The following SNX30 variants were observed in gnomAD, a reference collection of about 807,000 sequenced individuals.
SNX30 encodes sorting nexin-30.
A neutral mutation model predicts 46.4 loss-of-function variants in SNX30; 24 were observed. The observed-to-expected ratio is 0.52, with a 90% CI of 0.37 to 0.73. The LOEUF is 0.73. Among genes scored for constraint, SNX30 ranks in the 30% least tolerant of loss-of-function variants. The probability of loss-of-function intolerance (pLI) is 0.00; values close to 1 mark genes in which losing one functional copy is unlikely to be tolerated. For synonymous variants in SNX30, 189 were observed against 211.5 expected, an observed-to-expected ratio of 0.89 and a Z score of 0.92; for missense variants, 533 against 555.7, an observed-to-expected ratio of 0.96 and a Z score of 0.41.
chr9:112,806,680 G>A (rs1319842290), intron 2 of SNX30, among the ~76,000 whole-genome samples: 2 of 152,100 alleles, frequency 1.3e-5, no homozygotes, highest in African/African-American at 2.4e-5. Context: ...TAAAAGAAGC[G>A]ATGCTGAAGG....
intron 1 of SNX30, among the ~76,000 whole-genome samples, chr9:112,753,158 A>T (rs943355179): frequency 6.6e-6 from 1 of 152,206 alleles, no homozygotes; most frequent in Non-Finnish European, 1.5e-5. Context: ...GAGACTGGCT[A>T]CTACAGATAG....
chr9:112,868,894 T>C lies in SNX30; in HGVS notation c.*51T>C, dbSNP rs772355710. On this transcript the variant is annotated 3_prime_UTR_variant, in exon 9 of 9. Transcript: ENST00000374232. ...TCTACCTACACAGGGCCTGGCACCC[T>C]ATACCGGAATGTCCCTGCAGTGCCA... 3 of 1,558,062 alleles carry C rather than the reference T, an allele frequency of 1.9e-6. No homozygotes were observed. The East Asian group carries it at 6.7e-5, about 35-fold the overall frequency.
chr9:112,804,426 A>C (rs955708819), intron 1 of SNX30, among the ~76,000 whole-genome samples: 1 of 152,124 alleles, frequency 6.6e-6, no homozygotes, highest in Non-Finnish European at 1.5e-5. Flanking sequence ...CGGCCTCCCA[A>C]AGTGCTGGGA....
chr9:112,868,333 C>T (rs1182420467), intron 8 of SNX30, among the ~76,000 whole-genome samples: 2 of 152,186 alleles, frequency 1.3e-5, no homozygotes, highest in African/African-American at 2.4e-5. Flanking sequence ...GGGCTTTCCA[C>T]CCGCTCCAAG....
chr9:112,873,026 T>C lies in SNX30; in HGVS notation c.*4183T>C, dbSNP rs144572932. The C allele has an allele frequency of 1.3e-5, 2 of 152,352 alleles. No homozygotes were observed. Among genetic ancestry groups the C allele is most frequent in the African/African-American group, 4.8e-5 (2 of 41,588 alleles). 9.4% of individuals were successfully genotyped at this position (152,352 alleles called of 1,614,324 possible). A position where few individuals can be genotyped will look rare whatever the true frequency, so the allele number is the denominator to read the frequency against. Reference sequence around the variant, plus strand: ...GATTGTCAGCTTTTTGTTTGAGAGATGCCTGGTCTCACAGTTACATGTATC... The same window carrying C: ...GATTGTCAGCTTTTTGTTTGAGAGACGCCTGGTCTCACAGTTACATGTATC... On this transcript the variant is annotated 3_prime_UTR_variant, in exon 9 of 9. Transcript: ENST00000374232.
intron 1 of SNX30, among the ~76,000 whole-genome samples, chr9:112,752,850 C>T (rs892375629): frequency 6.6e-6 from 1 of 152,174 alleles, no homozygotes; most frequent in Non-Finnish European, 1.5e-5. Flanking sequence ...TTGGCTTGGG[C>T]TGCAGTCATC....
rs1840104978 is a variant in SNX30, at chr9:112,796,195, ATT to A, written c.157-8580_157-8579del. Among the ~76,000 whole-genome samples the A allele has an allele frequency of 2.0e-5, 3 of 152,242 alleles. No homozygotes were observed. The South Asian group carries it at 6.2e-4, about 32-fold the overall frequency. On this transcript the variant is annotated intron_variant, in intron 1 of 8. Coordinates refer to ENST00000374232, the MANE Select transcript of SNX30 (RefSeq NM_001012994.2). ...CTGATTTTGGCATCTCTGCCTTAAG[ATT>A]GTGAATTCTTTTTCTTTTGTGCAGT... is the stretch of plus-strand genomic sequence containing the variant.
At chr9:112,879,955 T>G (rs1183249689), downstream of SNX30, 5 of 697,278 alleles carry the variant, frequency 7.2e-6, no homozygotes, top group Non-Finnish European at 1.0e-5. Context: ...CAAGGTGTGC[T>G]GGTGCACTGT....
chr9:112,812,271 T>A (rs1002293195), intron 2 of SNX30, among the ~76,000 whole-genome samples: 5 of 152,206 alleles, frequency 3.3e-5, no homozygotes, highest in Non-Finnish European at 7.3e-5. Context: ...TTATTTATTT[T>A]TTGAGACGGA....
At chr9:112,767,839 A>G (rs1195670237) in intron 1 of SNX30, among the ~76,000 whole-genome samples, 2 of 152,006 alleles carry the variant, frequency 1.3e-5, no homozygotes, top group Non-Finnish European at 2.9e-5. Context: ...AACTCACGCG[A>G]TCCTCCCACC....
At chr9:112,821,588 GTC>G in intron 3 of SNX30, among the ~76,000 whole-genome samples, 1 of 151,734 alleles carries the variant, frequency 6.6e-6, no homozygotes, top group East Asian at 1.9e-4. Context: ...CCGGGTTCAC[GTC>G]ATTCTCCTGC....
At chr9:112,805,066 C>T in intron 2 of SNX30, 99 bp downstream of exon 2, 1 of 774,636 alleles carries the variant, frequency 1.3e-6, no homozygotes, top group South Asian at 3.1e-5. Context: ...TATTGTACAA[C>T]TCTGTTCACC....
chr9:112,834,043 G>A (rs574838387), intron 4 of SNX30, among the ~76,000 whole-genome samples: 33 of 152,190 alleles, frequency 2.2e-4, no homozygotes, highest in Non-Finnish European at 7.4e-5. Flanking sequence ...CAAGGCCCTC[G>A]GTTGGGGGAA....
intron 6 of SNX30, 116 bp downstream of exon 6, chr9:112,838,813 C>A: frequency 1.1e-6 from 1 of 909,364 alleles, no homozygotes; most frequent in Non-Finnish European, 1.7e-6. Flanking sequence ...CCTGGGTGGG[C>A]AGGATCAGAC....
intron 1 of SNX30, among the ~76,000 whole-genome samples, chr9:112,769,875 C>G (rs1839618009): frequency 6.6e-6 from 1 of 152,134 alleles, no homozygotes; most frequent in South Asian, 2.1e-4. Context: ...ACTCTTAATT[C>G]CAAGGATAAG....
chr9:112,759,622 G>C (rs1329863590), intron 1 of SNX30, among the ~76,000 whole-genome samples: 1 of 152,058 alleles, frequency 6.6e-6, no homozygotes, highest in Non-Finnish European at 1.5e-5. Flanking sequence ...CCAGCTACTT[G>C]GGAGGCTGAG....
intron 8 of SNX30, among the ~76,000 whole-genome samples, chr9:112,868,203 T>C (rs1016042709): frequency 2.0e-5 from 3 of 152,340 alleles, no homozygotes; most frequent in Middle Eastern, 6.8e-3. Flanking sequence ...TAATGTAAAG[T>C]ATGTCACCAT....
At chr9:112,754,132 G>A (rs983403175) in intron 1 of SNX30, among the ~76,000 whole-genome samples, 1 of 152,200 alleles carries the variant, frequency 6.6e-6, no homozygotes, top group Non-Finnish European at 1.5e-5. Flanking sequence ...CATAGTACAG[G>A]GTTATTATGC....
At chr9:112,762,055 A>C (rs958839914) in intron 1 of SNX30, among the ~76,000 whole-genome samples, 1 of 152,232 alleles carries the variant, frequency 6.6e-6, no homozygotes, top group African/African-American at 2.4e-5. Flanking sequence ...AAGTAAAATA[A>C]GTACATAAAC....
Sources: gnomAD v4.1 joint callset for allele counts (sites outside exome capture counted in the v4.1 genomes callset) on GRCh38, gnomAD v4.1.1 for gene constraint, MANE v1.5 for transcripts, NCBI Gene and HGNC (gene_info 2026-07-23, HGNC 2026-07-21) for gene names.